Variants in CAMK2D observed in about 807,000 individuals in gnomAD.
CAMK2D encodes calcium/calmodulin dependent protein kinase II delta.
In CAMK2D, 37 loss-of-function variants were observed where a neutral mutation model predicts 84.0. That is an observed-to-expected ratio of 0.44 (90% CI 0.34 to 0.58). CAMK2D has a LOEUF of 0.58. Ranked by LOEUF, CAMK2D falls within the 20% of genes least tolerant of loss-of-function variation. The pLI, the probability that CAMK2D is intolerant of heterozygous loss-of-function variation, is 0.02. For missense variants in CAMK2D, 448 were observed against 652.5 expected, an observed-to-expected ratio of 0.69 and a Z score of 3.41; for synonymous variants, 202 against 212.5, an observed-to-expected ratio of 0.95 and a Z score of 0.43.
At chr4:113,605,708 T>A (rs559951449) in intron 4 of CAMK2D, among the ~76,000 whole-genome samples, 217 of 152,074 alleles carry the variant, frequency 1.4e-3, no homozygotes, top group Non-Finnish European at 2.4e-3. Flanking sequence ...AAAATAAAAA[T>A]CCCTGCGTTC....
Position 113,627,174 on chromosome 4 carries a change from T to C in CAMK2D, c.221-17968A>G, listed in dbSNP as rs144968435. Among the ~76,000 whole-genome samples, 5 of 152,268 alleles carry C rather than the reference T, an allele frequency of 3.3e-5. No individual in the cohort carries two copies. In the East Asian group the frequency reaches 9.6e-4, roughly 29 times the overall value. On this transcript the variant is annotated intron_variant, in intron 3 of 20. Transcript: ENST00000511664. ...GAAAAAATACATTTGAAAATAATGA[T>C]ATTATCCTATTAATGCCATTAATGG...
chr4:113,692,483 C>T (rs931420230), intron 2 of CAMK2D, among the ~76,000 whole-genome samples: 3 of 152,046 alleles, frequency 2.0e-5, no homozygotes, highest in African/African-American at 7.2e-5. Flanking sequence ...TTCATACATA[C>T]ATATTCATAT....
At chr4:113,569,712 C>G (rs988654614) in intron 4 of CAMK2D, among the ~76,000 whole-genome samples, 52 of 152,248 alleles carry the variant, frequency 3.4e-4, no homozygotes, top group African/African-American at 1.2e-3. Flanking sequence ...GGTCAGAATT[C>G]ATGCAATTCT....
At chr4:113,666,321 T>C (rs1362716073) in intron 2 of CAMK2D, among the ~76,000 whole-genome samples, 1 of 152,190 alleles carries the variant, frequency 6.6e-6, no homozygotes, top group Non-Finnish European at 1.5e-5. Context: ...TGGGGGAAGA[T>C]CTAACAGTCA....
intron 2 of CAMK2D, among the ~76,000 whole-genome samples, chr4:113,662,028 A>C (rs1325636782): frequency 6.6e-6 from 1 of 152,192 alleles, no homozygotes; most frequent in East Asian, 1.9e-4. Context: ...AATAGTGGAA[A>C]TTGCACAAAA....
At chr4:113,669,449 C>G (rs978161876) in intron 2 of CAMK2D, among the ~76,000 whole-genome samples, 3 of 151,978 alleles carry the variant, frequency 2.0e-5, no homozygotes, top group African/African-American at 7.3e-5. Flanking sequence ...AAAGTGGGAG[C>G]ATAATTGTGT....
chr4:113,557,825 A>C (rs148422797), intron 4 of CAMK2D, among the ~76,000 whole-genome samples: 13 of 152,338 alleles, frequency 8.5e-5, no homozygotes, highest in African/African-American at 3.1e-4. Context: ...GAGTTGATAT[A>C]ATAATGCACT....
At chr4:113,624,556 T>C (rs1181340408) in intron 3 of CAMK2D, among the ~76,000 whole-genome samples, 3 of 152,220 alleles carry the variant, frequency 2.0e-5, no homozygotes, top group Non-Finnish European at 4.4e-5. Context: ...TGCCTTCTTA[T>C]GTGAACTTTC....
At position 113,661,737 on chromosome 4, in the gene CAMK2D, G is replaced by A. The variant is rs759589868; in HGVS notation, c.196C>T (p.Arg66Cys). The change falls in exon 3 of 21, where the codon CGT becomes TGT. Residue 66 changes from arginine (R) to cysteine (C), a missense_variant. Physicochemically the swap from Arg to Cys is radical, Grantham distance 180 (BLOSUM62 -3). Coordinates refer to ENST00000511664, the MANE Select transcript of CAMK2D (RefSeq NM_001321571.2). ...QKLEREARIC[R>C]LLKHPNIVRL... is the part of the protein sequence containing the mutation. ...CCAATATTAGGGTGCTTCAAAAGACGGCAGATTCTAGCTTCTCTTTCTAGT... is the reference window on the plus strand; with the variant it reads ...CCAATATTAGGGTGCTTCAAAAGACAGCAGATTCTAGCTTCTCTTTCTAGT... The A allele has an allele frequency of 4.0e-6, 6 of 1,500,952 alleles. No homozygotes were observed. The highest frequency in any genetic ancestry group is 2.6e-5 in the South Asian group (2 of 77,390). 93.0% of individuals were successfully genotyped at this position (1,500,952 alleles called of 1,614,324 possible).
At chr4:113,750,276 G>C (rs1292603998) in intron 2 of CAMK2D, among the ~76,000 whole-genome samples, 2 of 152,314 alleles carry the variant, frequency 1.3e-5, no homozygotes, top group Non-Finnish European at 2.9e-5. Context: ...TCTTAAAGGA[G>C]AGAGTACTGC....
intron 6 of CAMK2D, among the ~76,000 whole-genome samples, chr4:113,541,652 T>C (rs997733050): frequency 2.0e-5 from 3 of 152,154 alleles, no homozygotes; most frequent in Admixed American, 2.0e-4. Context: ...TATTATCCCA[T>C]ATTATTTAAT....
At chr4:113,498,212 T>TAAG (rs2097970063) in intron 16 of CAMK2D, among the ~76,000 whole-genome samples, 2 of 152,202 alleles carry the variant, frequency 1.3e-5, no homozygotes, top group African/African-American at 4.8e-5. Flanking sequence ...TATAGGGTCT[T>TAAG]TCTTGAGGAC....
Position 113,457,468 on chromosome 4 carries a change from G to C in CAMK2D, c.1402C>G (p.Leu468Val). Residue 468 changes from leucine (L) to valine (V), a missense_variant, in exon 19 of 21, where the codon CTC (leucine) becomes GTC (valine). Leu to Val is a conservative substitution (Grantham distance 32). Transcript: ENST00000511664. ...CCACTGCCATCCATGTACTGTGTGA[G>C]CCTAATATATGCTATGCAGGCGGCA... ...DDAACIAYIR[L>V]TQYMDGSGMP... 1 of 1,613,854 alleles carries C rather than the reference G, an allele frequency of 6.2e-7. No individual in the cohort carries two copies. Among genetic ancestry groups the C allele is most frequent in the Non-Finnish European group, 8.5e-7 (1 of 1,179,784 alleles).
At position 113,452,496 on chromosome 4, in the gene CAMK2D, C is replaced by T. The variant is rs1254009000; in HGVS notation, c.*2049G>A. On this transcript the variant is annotated 3_prime_UTR_variant, in exon 21 of 21. Coordinates refer to ENST00000511664, the MANE Select transcript of CAMK2D (RefSeq NM_001321571.2). ...TTATGGCAAGAAATATATACAGTGTCCCATGGTAAACTGCAGTGTTTCAAA... is the reference window on the plus strand; with the variant it reads ...TTATGGCAAGAAATATATACAGTGTTCCATGGTAAACTGCAGTGTTTCAAA... 6.6e-6 allele frequency: 1 copy of T among 152,490 alleles called. No individual in the cohort carries two copies. The highest frequency in any genetic ancestry group is 1.9e-4 in the East Asian group (1 of 5,202). The allele number at this position is 152,490 out of a possible 1,614,324, so 9.4% of individuals were successfully genotyped here.
chr4:113,502,550 A>C (rs1414727644), intron 15 of CAMK2D, among the ~76,000 whole-genome samples: 2 of 151,688 alleles, frequency 1.3e-5, no homozygotes, highest in Non-Finnish European at 2.9e-5. Context: ...AGTCAAGTTG[A>C]TATTTTTGAA....
Position 113,619,944 on chromosome 4 carries a change from C to G in CAMK2D, c.221-10738G>C, listed in dbSNP as rs143474907. 4.1e-3 allele frequency among the ~76,000 whole-genome samples: 623 copies of G among 151,986 alleles called. 4 individuals are homozygous for G. Among genetic ancestry groups the G allele is most frequent in the African/African-American group, 0.015 (604 of 41,426 alleles). On this transcript the variant is annotated intron_variant, in intron 3 of 20. Coordinates refer to ENST00000511664, the MANE Select transcript of CAMK2D (RefSeq NM_001321571.2). ...AGTTTGGCATGCATAATCTATGTGG[C>G]TAAGTAAAGCCATGAAGAATGATGG... is the stretch of plus-strand genomic sequence containing the variant.
intron 4 of CAMK2D, among the ~76,000 whole-genome samples, chr4:113,595,740 C>T (rs2098922831): frequency 6.6e-6 from 1 of 152,138 alleles, no homozygotes; most frequent in Non-Finnish European, 1.5e-5. Context: ...TGTGACATAT[C>T]ATAATTTTAA....
chr4:113,733,621 T>C (rs1415293200), intron 2 of CAMK2D, among the ~76,000 whole-genome samples: 1 of 152,214 alleles, frequency 6.6e-6, no homozygotes, highest in Non-Finnish European at 1.5e-5. Flanking sequence ...TTTGCCTTTC[T>C]ATTGATGCTT....
At chr4:113,536,120 G>A (rs749914025) in intron 7 of CAMK2D, among the ~76,000 whole-genome samples, 3 of 152,038 alleles carry the variant, frequency 2.0e-5, no homozygotes, top group African/African-American at 7.2e-5. Context: ...GCAGTTAATG[G>A]GTACAAGCTT....
Sources: allele counts gnomAD v4.1 joint callset (sites outside exome capture counted in the v4.1 genomes callset), GRCh38; gene constraint gnomAD v4.1.1; transcripts MANE v1.5; gene names NCBI Gene and HGNC (gene_info 2026-07-23, HGNC 2026-07-21).